CACNB2: variants seen among roughly 807,000 people sequenced by gnomAD.
CACNB2 encodes the protein calcium voltage-gated channel auxiliary subunit beta 2.
A neutral mutation model predicts 73.3 loss-of-function variants in CACNB2; 42 were observed. That is an observed-to-expected ratio of 0.57 (90% CI 0.45 to 0.74). CACNB2 has a LOEUF of 0.74. Ranked by LOEUF, CACNB2 falls within the 30% of genes least tolerant of loss-of-function variation. CACNB2 has a pLI of 0.00. For synonymous variants in CACNB2, 348 were observed against 310.3 expected (o/e 1.12, Z -1.28); for missense variants, 940 against 853.0 (o/e 1.10, Z -1.27).
At chr10:18,196,607 T>C (rs2034637110) in intron 2 of CACNB2, among the ~76,000 whole-genome samples, 1 of 152,180 alleles carries the variant, frequency 6.6e-6, no homozygotes, top group Non-Finnish European at 1.5e-5. Flanking sequence ...TATGAGCCAC[T>C]GCACTGGCCA....
At chr10:18,218,703 A>G (rs2035610309) in intron 2 of CACNB2, among the ~76,000 whole-genome samples, 1 of 152,028 alleles carries the variant, frequency 6.6e-6, no homozygotes, top group Non-Finnish European at 1.5e-5. Flanking sequence ...CCCCGTCTCT[A>G]CTAAAAGTAC....
At chr10:18,159,042 CCT>C (rs1018808711) in intron 2 of CACNB2, among the ~76,000 whole-genome samples, 1 of 152,000 alleles carries the variant, frequency 6.6e-6, no homozygotes, top group Non-Finnish European at 1.5e-5. Context: ...TCCCTCCCTC[CCT>C]GTTTTGTCTT....
intron 2 of CACNB2, among the ~76,000 whole-genome samples, chr10:18,229,044 C>T (rs1263080252): frequency 1.3e-5 from 2 of 152,104 alleles, no homozygotes; most frequent in African/African-American, 4.8e-5. Flanking sequence ...ATCCGGCTCT[C>T]TTAATGGATT....
intron 3 of CACNB2, among the ~76,000 whole-genome samples, chr10:18,480,593 T>C (rs938589553): frequency 2.0e-5 from 3 of 152,230 alleles, no homozygotes; most frequent in African/African-American, 7.2e-5. Flanking sequence ...AAGCACTTAA[T>C]GAATTACAAA....
chr10:18,483,492 C>T (rs1481986589), intron 3 of CACNB2, among the ~76,000 whole-genome samples: 3 of 145,988 alleles, frequency 2.1e-5, no homozygotes, highest in African/African-American at 5.1e-5. Flanking sequence ...GATCACTCCA[C>T]TGCACTCCAG....
intron 3 of CACNB2, among the ~76,000 whole-genome samples, chr10:18,452,295 G>A (rs2047055155): frequency 6.6e-6 from 1 of 152,032 alleles, no homozygotes; most frequent in Non-Finnish European, 1.5e-5. Context: ...CCACGTGGTG[G>A]GGCATGACTA....
At chr10:18,296,015 T>G (rs1465200563) in intron 2 of CACNB2, among the ~76,000 whole-genome samples, 1 of 148,938 alleles carries the variant, frequency 6.7e-6, no homozygotes, top group Non-Finnish European at 1.5e-5. Flanking sequence ...TTTTTTTTTT[T>G]TTTTTTTTTA....
In CACNB2 at chr10:18,539,410, T is replaced by G; in HGVS notation, c.1669T>G (p.Ser557Ala). The G allele has an allele frequency of 6.2e-7, 1 of 1,613,890 alleles. No individual in the cohort carries two copies. The highest frequency in any genetic ancestry group is 8.5e-7 in the Non-Finnish European group (1 of 1,179,978). The change falls in exon 14 of 14, where the codon TCG (serine) becomes GCG (alanine). Residue 557 changes from serine (S) to alanine (A), a missense_variant. Physicochemically the swap from Ser to Ala is moderately conservative, Grantham distance 99 (BLOSUM62 1). Transcript: ENST00000324631. ...RGLSRQETFD[S>A]ETQESRDSAY... The stretch of plus-strand genomic sequence containing the variant: ...CCTCTCCAGGCAAGAGACATTTGAC[T>G]CGGAAACCCAGGAGAGTCGAGACTC...
At chr10:18,262,917 G>A (rs1261045403) in intron 2 of CACNB2, among the ~76,000 whole-genome samples, 3 of 152,156 alleles carry the variant, frequency 2.0e-5, no homozygotes, top group Non-Finnish European at 2.9e-5. Context: ...GATTTTTGAA[G>A]TCTTGATTGA....
At chr10:18,301,423 C>A (rs993360322) in intron 2 of CACNB2, among the ~76,000 whole-genome samples, 1 of 146,212 alleles carries the variant, frequency 6.8e-6, no homozygotes, top group African/African-American at 2.5e-5. Flanking sequence ...AGCAAGACCC[C>A]GCTCTACAAA....
chr10:18,221,104 G>A (rs2035775368), intron 2 of CACNB2, among the ~76,000 whole-genome samples: 1 of 152,214 alleles, frequency 6.6e-6, no homozygotes, highest in Admixed American at 6.5e-5. Context: ...AGGAGAGAAG[G>A]GCAGGGGGCA....
chr10:18,353,844 A>AT (rs1016890521), intron 2 of CACNB2, among the ~76,000 whole-genome samples: 17 of 151,956 alleles, frequency 1.1e-4, no homozygotes, highest in East Asian at 3.9e-4. Flanking sequence ...GCCATTATCT[A>AT]TTTTTTTTGC....
intron 2 of CACNB2, among the ~76,000 whole-genome samples, chr10:18,361,613 T>C (rs1271075327): frequency 2.9e-5 from 3 of 104,794 alleles, no homozygotes; most frequent in Non-Finnish European, 4.3e-5. Flanking sequence ...GGTAAAATTC[T>C]TTTTTTTTTT....
At chr10:18,369,508 A>G (rs1261157297) in intron 2 of CACNB2, among the ~76,000 whole-genome samples, 1 of 152,218 alleles carries the variant, frequency 6.6e-6, no homozygotes, top group Admixed American at 6.5e-5. Context: ...ATGCATCAAT[A>G]AGAAACATAA....
At chr10:18,422,382 C>T (rs2045370351) in intron 3 of CACNB2, among the ~76,000 whole-genome samples, 1 of 152,316 alleles carries the variant, frequency 6.6e-6, no homozygotes. Flanking sequence ...TCCTTTTTCC[C>T]TGGATTAAAA....
intron 3 of CACNB2, among the ~76,000 whole-genome samples, chr10:18,426,366 C>T (rs1242484765): frequency 6.6e-6 from 1 of 152,180 alleles, no homozygotes; most frequent in African/African-American, 2.4e-5. Flanking sequence ...CAGTCTCTCT[C>T]ACCTTTCTCT....
At chr10:18,380,247 AC>A (rs1465976905) in intron 2 of CACNB2, among the ~76,000 whole-genome samples, 7 of 150,910 alleles carry the variant, frequency 4.6e-5, no homozygotes. Context: ...TTTTTGAACC[AC>A]CAAATGGCAT....
chr10:18,520,382 C>T (rs939356533), intron 9 of CACNB2, among the ~76,000 whole-genome samples: 6 of 152,164 alleles, frequency 3.9e-5, no homozygotes, highest in Admixed American at 2.0e-4. Context: ...TATTCAGAAT[C>T]GAAGCCCTTC....
intron 2 of CACNB2, among the ~76,000 whole-genome samples, chr10:18,393,608 T>G (rs1384524854): frequency 6.6e-6 from 1 of 152,244 alleles, no homozygotes; most frequent in East Asian, 1.9e-4. Flanking sequence ...CTGTTCCTTT[T>G]GCACTGAAAG....
Sources: allele counts gnomAD v4.1 joint callset (sites outside exome capture counted in the v4.1 genomes callset), GRCh38; gene constraint gnomAD v4.1.1; transcripts MANE v1.5; gene names NCBI Gene and HGNC (gene_info 2026-07-23, HGNC 2026-07-21).